The following FRMPD3 variants were observed in gnomAD, a reference collection of about 807,000 sequenced individuals.
FRMPD3 encodes the protein FERM and PDZ domain-containing protein 3.
A neutral mutation model predicts 97.9 loss-of-function variants in FRMPD3; 42 were observed. The ratio of observed to expected loss-of-function variants is 0.43; its 90% confidence interval spans 0.34 to 0.55. FRMPD3 has a LOEUF of 0.55. Among genes scored for constraint, FRMPD3 ranks in the 20% least tolerant of loss-of-function variants. The pLI, the probability that FRMPD3 is intolerant of heterozygous loss-of-function variation, is 0.03. For synonymous variants in FRMPD3, 577 were observed against 581.1 expected, an observed-to-expected ratio of 0.99 and a Z score of 0.10; for missense variants, 1,303 against 1,457.7, an observed-to-expected ratio of 0.89 and a Z score of 1.73.
At chrX:107,514,552 A>T (rs1922256182) in intron 1 of FRMPD3, among the ~76,000 whole-genome samples, 1 of 102,874 alleles carries the variant, frequency 9.7e-6, no homozygotes, top group Non-Finnish European at 2.0e-5. Flanking sequence ...TTTTGACAGA[A>T]TCTTGCTCTG....
At chrX:107,535,027 C>G (rs1365703455) in intron 4 of FRMPD3, among the ~76,000 whole-genome samples, 3 of 111,860 alleles carry the variant, frequency 2.7e-5, no homozygotes, top group African/African-American at 9.8e-5. Flanking sequence ...GGCAGTCAGT[C>G]CCAACCTCCC....
In FRMPD3 at chrX:107,515,209, G is replaced by A. The variant is rs183795247; in HGVS notation, c.-7-11373G>A. Among the ~76,000 whole-genome samples the A allele has an allele frequency of 5.4e-5, 6 of 111,472 alleles. No homozygotes were observed. The East Asian group carries it at 1.7e-3, about 31-fold the overall frequency. The stretch of plus-strand genomic sequence containing the variant: ...AGATCACCTTAGGAAAAAGAATAGA[G>A]AGAGACTAGAAGGCCTGGAACTGAG... On this transcript the variant is annotated intron_variant, in intron 1 of 14. Transcript: ENST00000683843.
At chrX:107,458,757 G>A (rs926344759) in intron 1 of FRMPD3, among the ~76,000 whole-genome samples, 9 of 111,588 alleles carry the variant, frequency 8.1e-5, no homozygotes, top group African/African-American at 2.9e-4. Flanking sequence ...ATTCAGGATG[G>A]TTAGCTATGC....
chrX:107,592,793 CTTTTTTT>C lies in FRMPD3; in HGVS notation c.1442-4513_1442-4507del, dbSNP rs35096358. Among the ~76,000 whole-genome samples, 424 of 71,330 alleles carry C rather than the reference CTTTTTTT, an allele frequency of 5.9e-3. 1 individual carries two copies. The highest frequency in any genetic ancestry group is 0.02 in the Middle Eastern group (3 of 147). The allele number at this position is 71,330 out of a possible 115,157, so 61.9% of individuals were successfully genotyped here. On this transcript the variant is annotated intron_variant, in intron 13 of 14. Transcript: ENST00000683843. ...TTTTTATTTTTAAATTATGACCATT[CTTTTTTT>C]TTTTTTTTTTTTTTGACAGAGTCTT...
intron 1 of FRMPD3, among the ~76,000 whole-genome samples, chrX:107,473,170 C>T (rs1180070023): frequency 8.9e-6 from 1 of 112,381 alleles, no homozygotes; most frequent in Non-Finnish European, 1.9e-5. Context: ...GGGCACATGG[C>T]TAATAAGTGG....
intron 8 of FRMPD3, 51 bp from the exon 9 acceptor site, chrX:107,560,206 G>C: frequency 8.5e-7 from 1 of 1,181,398 alleles, no homozygotes; most frequent in Non-Finnish European, 1.1e-6. Context: ...TCAGGGGGTG[G>C]GGAAGGAATG....
chrX:107,594,327 T>G (rs1041137641), intron 13 of FRMPD3, among the ~76,000 whole-genome samples: 2 of 112,202 alleles, frequency 1.8e-5, no homozygotes, highest in African/African-American at 6.5e-5. Flanking sequence ...CGACTTCCTC[T>G]TTACCAGTTT....
intron 1 of FRMPD3, among the ~76,000 whole-genome samples, chrX:107,501,982 G>T (rs942171296): frequency 9.0e-6 from 1 of 110,678 alleles, no homozygotes; most frequent in Non-Finnish European, 1.9e-5. Context: ...CAAAAGCCCA[G>T]CCCCCCTCTC....
At chrX:107,533,219 C>T (rs928004848) in intron 3 of FRMPD3, among the ~76,000 whole-genome samples, 2 of 111,811 alleles carry the variant, frequency 1.8e-5, no homozygotes, top group African/African-American at 6.5e-5. Flanking sequence ...TTGGAGATTT[C>T]TACAGAGAGT....
intron 1 of FRMPD3, among the ~76,000 whole-genome samples, chrX:107,493,116 G>A (rs189933327): frequency 1.1e-5 from 1 of 93,757 alleles, no homozygotes; most frequent in East Asian, 3.5e-4. Context: ...GAAGGTTAAG[G>A]CTATAGAGAG....
chrX:107,537,789 G>A (rs1921065780), intron 4 of FRMPD3, among the ~76,000 whole-genome samples: 1 of 111,691 alleles, frequency 9.0e-6, no homozygotes, highest in African/African-American at 3.3e-5. Context: ...CTCATTATTT[G>A]CAGATTCCCT....
intron 4 of FRMPD3, among the ~76,000 whole-genome samples, chrX:107,534,375 C>T (rs935061421): frequency 3.6e-5 from 4 of 110,817 alleles, no homozygotes; most frequent in Admixed American, 1.9e-4. Context: ...TCCTCTGCAC[C>T]CCAGCATGGA....
chrX:107,463,852 A>G (rs1357653862), intron 1 of FRMPD3, among the ~76,000 whole-genome samples: 50 of 112,464 alleles, frequency 4.4e-4, no homozygotes, highest in Admixed American at 4.4e-3. Flanking sequence ...AGTTTATCAG[A>G]TTAACTAGCT....
At chrX:107,510,739 GAGGCTGCT>G (rs1315368016) in intron 1 of FRMPD3, among the ~76,000 whole-genome samples, 1 of 112,256 alleles carries the variant, frequency 8.9e-6, no homozygotes, top group Non-Finnish European at 1.9e-5. Context: ...TCATTGTCCT[GAGGCTGCT>G]GTTGGTGTTT....
intron 4 of FRMPD3, among the ~76,000 whole-genome samples, chrX:107,537,086 G>T (rs927285818): frequency 9.0e-6 from 1 of 111,409 alleles, no homozygotes; most frequent in African/African-American, 3.3e-5. Flanking sequence ...TACTCTGCAG[G>T]TCCCAACCCA....
chrX:107,493,480 T>C lies in FRMPD3; in HGVS notation c.-7-33102T>C, dbSNP rs16985200. Among the ~76,000 whole-genome samples the C allele has an allele frequency of 8.0e-3, 899 of 111,990 alleles. 3 individuals carry two copies. Among genetic ancestry groups the C allele is most frequent in the African/African-American group, 0.023 (700 of 30,845 alleles). On this transcript the variant is annotated intron_variant, in intron 1 of 14. Transcript: ENST00000683843. ...TCAGGATTTGAGCAGCCAAAGAATATTGCAAGATCTCCTGCTGTAGAACAT... is the reference window on the plus strand; with the variant it reads ...TCAGGATTTGAGCAGCCAAAGAATACTGCAAGATCTCCTGCTGTAGAACAT...
In FRMPD3 at chrX:107,545,815, C is replaced by T; in HGVS notation, c.376C>T (p.Gln126Ter). 4 of 1,208,827 alleles carry T rather than the reference C, an allele frequency of 3.3e-6. No homozygotes were observed. Among genetic ancestry groups the T allele is most frequent in the Non-Finnish European group, 4.5e-6 (4 of 893,678 alleles). ...TCCTGTGAAGGTTCGATTTTCTGAG[C>T]AGGTGGCAGTTGGAGAAACAGATGC... is the stretch of plus-strand genomic sequence containing the variant. ...SNPVKVRFSE[Q>*]VAVGETDAKM... The change falls in exon 5 of 15, where the codon CAG becomes TAG. Residue 126 changes from glutamine (Q) to a stop codon, truncating the protein, a stop_gained. Coordinates refer to ENST00000683843, the MANE Select transcript of FRMPD3 (RefSeq NM_001388459.1). LOFTEE classifies it high-confidence loss of function.
intron 13 of FRMPD3, among the ~76,000 whole-genome samples, chrX:107,595,580 T>C (rs1430715257): frequency 9.0e-6 from 1 of 111,502 alleles, no homozygotes; most frequent in Non-Finnish European, 1.9e-5. Flanking sequence ...GTTTGATTTA[T>C]AGTATTGTTC....
rs928954660 is a variant in FRMPD3, at chrX:107,601,577, C to T, written c.3538C>T (p.Arg1180Trp). ...QSPLRSQAAS[R>W]QVSTMPSRKL... The stretch of plus-strand genomic sequence containing the variant: ...CCCACTGAGGTCTCAGGCTGCCAGC[C>T]GGCAGGTGAGCACCATGCCCTCTAG... Residue 1180 changes from arginine (R) to tryptophan (W), a missense_variant, in exon 15 of 15, where the codon CGG (arginine) becomes TGG (tryptophan). Coordinates refer to ENST00000683843, the MANE Select transcript of FRMPD3 (RefSeq NM_001388459.1). 23 of 1,202,001 alleles carry T rather than the reference C, an allele frequency of 1.9e-5. No individual in the cohort carries two copies. The highest frequency in any genetic ancestry group is 1.2e-4 in the African/African-American group (7 of 56,963).
Sources: allele counts gnomAD v4.1 joint callset (sites outside exome capture counted in the v4.1 genomes callset), GRCh38; gene constraint gnomAD v4.1.1; transcripts MANE v1.5; gene names NCBI Gene and HGNC (gene_info 2026-07-23, HGNC 2026-07-21).